Variants in TENM2 observed in about 807,000 individuals in gnomAD.
TENM2 encodes teneurin-2.
Under a neutral mutation model 245.2 loss-of-function variants are expected in TENM2, and 52 were observed. That is an observed-to-expected ratio of 0.21 (90% CI 0.17 to 0.27). TENM2 has a LOEUF of 0.27. Among genes scored for constraint, TENM2 ranks in the 10% least tolerant of loss-of-function variants. TENM2 has a pLI of 1.00. For missense variants in TENM2, 3,046 were observed against 3,666.8 expected (o/e 0.83, Z 4.37); for synonymous variants, 1,363 against 1,438.9 (o/e 0.95, Z 1.19).
At chr5:167,181,321 G>T in the TENM2 span, among the ~76,000 whole-genome samples, 1 of 151,948 alleles carries the variant, frequency 6.6e-6, no homozygotes, top group East Asian at 1.9e-4. Flanking sequence ...TTCAAAACTA[G>T]TTTTTCTTCT....
At chr5:167,857,170 C>T (rs373399415) in intron 2 of TENM2, among the ~76,000 whole-genome samples, 11 of 152,198 alleles carry the variant, frequency 7.2e-5, no homozygotes, top group African/African-American at 2.4e-4. Context: ...AGCCATGATA[C>T]CAAGTGGAAC....
intron 2 of TENM2, among the ~76,000 whole-genome samples, chr5:167,757,775 A>T (rs777491474): frequency 2.6e-5 from 4 of 152,184 alleles, no homozygotes; most frequent in Non-Finnish European, 5.9e-5. Context: ...CATTTTAATG[A>T]TCACCATTCT....
chr5:167,923,425 G>A (rs1476579050), intron 3 of TENM2, among the ~76,000 whole-genome samples: 3 of 152,106 alleles, frequency 2.0e-5, no homozygotes, highest in Non-Finnish European at 4.4e-5. Flanking sequence ...TGTGCCAACA[G>A]CCTTGTTTGC....
intron 2 of TENM2, among the ~76,000 whole-genome samples, chr5:167,479,277 G>C (rs1475606862): frequency 1.3e-5 from 2 of 152,068 alleles, no homozygotes; most frequent in African/African-American, 4.8e-5. Context: ...AAACTACTCA[G>C]TTAAATTGCA....
chr5:168,069,434 A>G (rs1790790685), intron 7 of TENM2, among the ~76,000 whole-genome samples: 1 of 152,216 alleles, frequency 6.6e-6, no homozygotes, highest in Non-Finnish European at 1.5e-5. Flanking sequence ...TGAGACAACA[A>G]TATTCATTAA....
intron 4 of TENM2, among the ~76,000 whole-genome samples, chr5:167,960,754 A>C (rs1780950155): frequency 6.6e-6 from 1 of 152,148 alleles, no homozygotes; most frequent in Admixed American, 6.5e-5. Flanking sequence ...TTAATAAAAA[A>C]ACTCCTGCAG....
At chr5:167,532,592 C>A (rs1771579035) in intron 2 of TENM2, among the ~76,000 whole-genome samples, 1 of 151,810 alleles carries the variant, frequency 6.6e-6, no homozygotes, top group Non-Finnish European at 1.5e-5. Context: ...AAGACCTGCC[C>A]CCATAATTCA....
the TENM2 span, among the ~76,000 whole-genome samples, chr5:167,250,466 C>T: frequency 6.6e-6 from 1 of 152,030 alleles, no homozygotes. Flanking sequence ...ATTGATTTCA[C>T]CTTTTTAAAT....
intron 5 of TENM2, among the ~76,000 whole-genome samples, chr5:168,029,042 T>TCCCAGCC (rs1403834817): frequency 3.3e-5 from 5 of 152,168 alleles, no homozygotes; most frequent in African/African-American, 1.2e-4. Flanking sequence ...AGAAACTTAT[T>TCCCAGCC]TCTTGGGTCT....
the TENM2 span, among the ~76,000 whole-genome samples, chr5:167,051,488 T>C: frequency 6.6e-6 from 1 of 151,826 alleles, no homozygotes; most frequent in Non-Finnish European, 1.5e-5. Context: ...GATTGAATCA[T>C]GCTTTGGGTA....
chr5:167,761,966 G>A (rs769141313), intron 2 of TENM2, among the ~76,000 whole-genome samples: 1 of 152,166 alleles, frequency 6.6e-6, no homozygotes, highest in African/African-American at 2.4e-5. Flanking sequence ...TTCAACCAAC[G>A]AGCTAGGAGT....
intron 1 of TENM2, among the ~76,000 whole-genome samples, chr5:167,313,261 G>C (rs1756147519): frequency 6.6e-6 from 1 of 152,150 alleles, no homozygotes; most frequent in Non-Finnish European, 1.5e-5. Context: ...TTCAGACCAT[G>C]ATGCAAGAAT....
intron 2 of TENM2, among the ~76,000 whole-genome samples, chr5:167,729,622 C>T (rs1760276029): frequency 6.6e-6 from 1 of 152,148 alleles, no homozygotes; most frequent in South Asian, 2.1e-4. Flanking sequence ...TCAATTTTCT[C>T]TTGCAGTTTG....
the TENM2 span, among the ~76,000 whole-genome samples, chr5:167,077,672 T>C: frequency 6.6e-6 from 1 of 152,242 alleles, no homozygotes; most frequent in South Asian, 2.1e-4. Context: ...GTGAGAATAG[T>C]GTGCTCATTT....
the TENM2 span, among the ~76,000 whole-genome samples, chr5:167,212,150 T>C: frequency 3.9e-5 from 6 of 152,120 alleles, no homozygotes; most frequent in African/African-American, 1.2e-4. Context: ...GAGACCATAT[T>C]TGAAATTACT....
intron 5 of TENM2, among the ~76,000 whole-genome samples, chr5:168,019,543 A>G (rs939235079): frequency 2.6e-5 from 4 of 152,232 alleles, no homozygotes; most frequent in Non-Finnish European, 5.9e-5. Flanking sequence ...AGGAGACATC[A>G]GGCATAATTC....
intron 1 of TENM2, among the ~76,000 whole-genome samples, chr5:167,364,269 C>T (rs994073752): frequency 5.3e-5 from 8 of 151,870 alleles, no homozygotes; most frequent in Non-Finnish European, 2.9e-5. Flanking sequence ...GTACAACATA[C>T]GTATTGTAGT....
chr5:167,581,673 CAGAG>C (rs1716937020), intron 2 of TENM2, among the ~76,000 whole-genome samples: 6 of 151,974 alleles, frequency 3.9e-5, no homozygotes, highest in Admixed American at 3.9e-4. Flanking sequence ...GTGAGAGAGA[CAGAG>C]AGAATAAAGG....
exon 11 of TENM2, chr5:168,124,930 C>G (rs759483928): frequency 5.6e-6 from 9 of 1,612,756 alleles, no homozygotes; most frequent in Non-Finnish European, 7.6e-6. Flanking sequence ...CTGGGGTGGT[C>G]TGAACTGTGA....
Sources: gnomAD v4.1 joint callset for allele counts (sites outside exome capture counted in the v4.1 genomes callset) on GRCh38, gnomAD v4.1.1 for gene constraint, MANE v1.5 for transcripts, NCBI Gene and HGNC (gene_info 2026-07-23, HGNC 2026-07-21) for gene names.